The following BTBD7 variants were observed in gnomAD, a reference collection of about 807,000 sequenced individuals.
The protein encoded by BTBD7 is BTB domain containing 7, also known as BTB/POZ domain-containing protein 7.
Under a neutral mutation model 99.9 loss-of-function variants are expected in BTBD7, and 38 were observed. That is an observed-to-expected ratio of 0.38 (90% CI 0.29 to 0.50). BTBD7 has a LOEUF of 0.50. BTBD7 is among the 20% of genes least tolerant of loss of function. The pLI is 0.93. For missense variants in BTBD7, 1,170 were observed against 1,394.6 expected, an observed-to-expected ratio of 0.84 and a Z score of 2.57; for synonymous variants, 520 against 511.4, an observed-to-expected ratio of 1.02 and a Z score of -0.23.
chr14:93,255,818 T>G (rs1275499663), intron 6 of BTBD7: 1 of 152,178 alleles, frequency 6.6e-6, no homozygotes, highest in African/African-American at 2.4e-5. Context: ...TTATAACAAC[T>G]GTTCAGGGGA....
chr14:93,240,064 C>T lies in BTBD7; in HGVS notation c.*2209G>A, dbSNP rs968248712. On this transcript the variant is annotated 3_prime_UTR_variant, in exon 11 of 11. Transcript: ENST00000334746. ...ACAGAGACTGGGCTTCAAAAGACAC[C>T]GTCTTCTATTATGAGTCAAACTTCT... 12 of 152,258 alleles carry T rather than the reference C, an allele frequency of 7.9e-5. No homozygotes were observed. Among genetic ancestry groups the T allele is most frequent in the East Asian group, 1.9e-4 (1 of 5,180 alleles). 9.4% of individuals were successfully genotyped at this position (152,258 alleles called of 1,614,324 possible). A position where few individuals can be genotyped will look rare whatever the true frequency, so the allele number is the denominator to read the frequency against.
At chr14:93,292,058 G>A (rs949578534) in intron 3 of BTBD7, among the ~76,000 whole-genome samples, 1 of 152,148 alleles carries the variant, frequency 6.6e-6, no homozygotes, top group Admixed American at 6.5e-5. Flanking sequence ...ATGGTGGCAG[G>A]AGCCTGTAAT....
intron 3 of BTBD7, among the ~76,000 whole-genome samples, chr14:93,278,835 A>G (rs185164664): frequency 5.3e-5 from 8 of 152,280 alleles, no homozygotes; most frequent in Admixed American, 5.2e-4. Context: ...TGGCTCAGGC[A>G]TGTAATCCCA....
intron 7 of BTBD7, among the ~76,000 whole-genome samples, chr14:93,252,735 T>C (rs1306760088): frequency 6.6e-6 from 1 of 152,112 alleles, no homozygotes; most frequent in African/African-American, 2.4e-5. Flanking sequence ...ACACACTGTT[T>C]TGTCTGTTAA....
chr14:93,308,777 T>C (rs957678633), intron 1 of BTBD7, among the ~76,000 whole-genome samples: 3 of 152,210 alleles, frequency 2.0e-5, no homozygotes, highest in Non-Finnish European at 4.4e-5. Flanking sequence ...ATTCCACTTA[T>C]ATGAAGTACT....
At chr14:93,307,007 G>T (rs2053077667) in intron 1 of BTBD7, among the ~76,000 whole-genome samples, 1 of 152,128 alleles carries the variant, frequency 6.6e-6, no homozygotes, top group South Asian at 2.1e-4. Context: ...AGAGGAAAAG[G>T]TTATGTCTTC....
intron 3 of BTBD7, among the ~76,000 whole-genome samples, chr14:93,293,486 TCAA>T (rs898486583): frequency 7.9e-5 from 12 of 152,188 alleles, no homozygotes; most frequent in African/African-American, 2.9e-4. Flanking sequence ...CATTTAAACA[TCAA>T]CAAGGTACTG....
Position 93,246,018 on chromosome 14 carries a change from C to T in BTBD7, c.2390G>A (p.Cys797Tyr), listed in dbSNP as rs1441090481. 4.3e-6 allele frequency: 7 copies of T among 1,613,280 alleles called. No individual in the cohort carries two copies. The highest frequency in any genetic ancestry group is 5.9e-6 in the Non-Finnish European group (7 of 1,179,984). The change falls in exon 10 of 11, where the codon TGT becomes TAT. Residue 797 changes from cysteine (C) to tyrosine (Y), a missense_variant. Physicochemically the swap from Cys to Tyr is radical, Grantham distance 194 (BLOSUM62 -2). This residue lies in a region of BTBD7 where 495 missense variants were observed against 525.9 expected (regional missense o/e 0.94). Coordinates refer to ENST00000334746, the MANE Select transcript of BTBD7 (RefSeq NM_001002860.4). ...QHPSRSFSYP[C>Y]NHSLFHSRTA... is the part of the protein sequence containing the mutation. ...TCTGGAGTGGAACAGCGAATGATTA[C>T]AGGGATAAGAAAATGAACGTGAAGG...
At chr14:93,309,109 T>C (rs1223590890) in intron 1 of BTBD7, among the ~76,000 whole-genome samples, 2 of 152,128 alleles carry the variant, frequency 1.3e-5, no homozygotes, top group East Asian at 3.8e-4. Flanking sequence ...CCCAACTTCA[T>C]GTTCCTTTTA....
chr14:93,279,874 CT>C (rs1471364048), intron 3 of BTBD7, among the ~76,000 whole-genome samples: 1 of 152,140 alleles, frequency 6.6e-6, no homozygotes, highest in East Asian at 1.9e-4. Context: ...TACCAAGGGG[CT>C]TATTTGAGTT....
Position 93,263,800 on chromosome 14 carries a change from C to T in BTBD7, c.1356G>A (p.Gln452=). The T allele has an allele frequency of 1.9e-6, 3 of 1,614,026 alleles. No individual in the cohort carries two copies. The highest frequency in any genetic ancestry group is 2.5e-6 in the Non-Finnish European group (3 of 1,179,930). ...AAATGATTACCTGTAGGTAGTCAGA[C>T]TGGATAGCAGTAAGCAGATGGTCTT... ...LSKDHLLTAI[Q]SDYLQASEQD... is the part of the protein sequence containing the mutation. The change falls in exon 4 of 11, where the codon CAG becomes CAA. Residue 452 remains glutamine, a synonymous_variant. Coordinates refer to ENST00000334746, the MANE Select transcript of BTBD7 (RefSeq NM_001002860.4).
intron 3 of BTBD7, chr14:93,288,851 G>T: frequency 1.7e-6 from 2 of 1,210,302 alleles, no homozygotes; most frequent in Non-Finnish European, 2.2e-6. Flanking sequence ...GTTTCTTCTT[G>T]TATTTGCCTG....
intron 6 of BTBD7, among the ~76,000 whole-genome samples, chr14:93,254,999 T>C (rs1212760460): frequency 6.6e-6 from 1 of 152,138 alleles, no homozygotes; most frequent in Non-Finnish European, 1.5e-5. Flanking sequence ...CCAATATTAC[T>C]CTCATTAAAT....
At chr14:93,300,903 C>T (rs748258975) in intron 1 of BTBD7, among the ~76,000 whole-genome samples, 8 of 151,548 alleles carry the variant, frequency 5.3e-5, no homozygotes, top group African/African-American at 1.5e-4. Flanking sequence ...GGTGTGACCA[C>T]GGTGCCCAGC....
Position 93,294,130 on chromosome 14 carries a change from C to G in BTBD7, c.890G>C (p.Arg297Pro). The change falls in exon 3 of 11, where the codon CGA becomes CCA. Residue 297 changes from arginine (R) to proline (P), a missense_variant. This residue lies in a region of BTBD7 where 359 missense variants were observed against 497.9 expected (regional missense o/e 0.72). Coordinates refer to ENST00000334746, the MANE Select transcript of BTBD7 (RefSeq NM_001002860.4). ...TCGGTCTGTGATTTCTTCACCAGTTCGTATCCTCCTTTGTAATAAATTTCG... is the reference window on the plus strand; with the variant it reads ...TCGGTCTGTGATTTCTTCACCAGTTGGTATCCTCCTTTGTAATAAATTTCG... ...FFRNLLQRRI[R>P]TGEEITDRTL... The G allele has an allele frequency of 6.2e-7, 1 of 1,614,108 alleles. No homozygotes were observed. Among genetic ancestry groups the G allele is most frequent in the African/African-American group, 1.3e-5 (1 of 75,020 alleles).
chr14:93,257,110 G>T, intron 6 of BTBD7, 85 bp downstream of exon 6: 2 of 1,347,780 alleles, frequency 1.5e-6, no homozygotes, highest in Non-Finnish European at 2.1e-6. Context: ...TACTCTATTA[G>T]TAGCAGAAAT....
chr14:93,254,118 T>C (rs1028856756), intron 6 of BTBD7, among the ~76,000 whole-genome samples: 2 of 152,068 alleles, frequency 1.3e-5, no homozygotes, highest in African/African-American at 4.8e-5. Flanking sequence ...TTTGTACTTT[T>C]AGTAGAGACG....
In BTBD7 at chr14:93,241,607, T is replaced by A. The variant is rs1169123823; in HGVS notation, c.*666A>T. ...CACAGAAGGCTTTTCTCTTTCCTGT[T>A]CTTTCCTGAACCAGCAAACTTCAGG... is the stretch of plus-strand genomic sequence containing the variant. On this transcript the variant is annotated 3_prime_UTR_variant, in exon 11 of 11. Transcript: ENST00000334746. 1 of 152,474 alleles carries A rather than the reference T, an allele frequency of 6.6e-6. No homozygotes were observed. The highest frequency in any genetic ancestry group is 1.5e-5 in the Non-Finnish European group (1 of 68,246). The allele number at this position is 152,474 out of a possible 1,614,324, so 9.4% of individuals were successfully genotyped here.
intron 1 of BTBD7, among the ~76,000 whole-genome samples, chr14:93,304,080 G>A (rs866729461): frequency 3.3e-5 from 5 of 152,162 alleles, no homozygotes; most frequent in Non-Finnish European, 5.9e-5. Flanking sequence ...ATAAGCAGAG[G>A]GTGAAAAATT....
Sources: allele counts gnomAD v4.1 joint callset (sites outside exome capture counted in the v4.1 genomes callset), GRCh38; gene constraint gnomAD v4.1.1; regional missense constraint gnomAD v4.1.1; transcripts MANE v1.5; gene names NCBI Gene and HGNC (gene_info 2026-07-23, HGNC 2026-07-21).